DCUN1D1: variants seen among roughly 807,000 people sequenced by gnomAD.
DCUN1D1 encodes defective in cullin neddylation 1 domain containing 1, also known as DCN1-like protein 1.
DCUN1D1 carries 3 observed loss-of-function variants against 39.0 expected under a neutral mutation model. The ratio of observed to expected loss-of-function variants is 0.08; its 90% CI spans 0.04 to 0.20. The LOEUF (loss-of-function observed/expected upper bound fraction) is 0.20. Among genes scored for constraint, DCUN1D1 ranks in the 10% least tolerant of loss-of-function variants. The probability of loss-of-function intolerance (pLI) is 1.00; values close to 1 mark genes in which losing one functional copy is unlikely to be tolerated. For synonymous variants in DCUN1D1, 82 were observed against 96.3 expected (o/e 0.85, Z 0.87); for missense variants, 158 against 302.4 (o/e 0.52, Z 3.54).
rs145983622 is a variant in DCUN1D1, at chr3:182,965,277, C to A, written c.220+260G>T. 3.1e-3 allele frequency among the ~76,000 whole-genome samples: 469 copies of A among 152,216 alleles called. 3 individuals carry two copies. The highest frequency in any genetic ancestry group is 0.01 in the African/African-American group (418 of 41,516). On this transcript the variant is annotated intron_variant, in intron 2 of 6. Transcript: ENST00000292782. ...TAGACTGGTTCAGCTGAGTTTTATA[C>A]ATATGAGGGCAGAAAAAACAGTTCC...
intron 1 of DCUN1D1, among the ~76,000 whole-genome samples, chr3:182,972,967 G>A (rs938708387): frequency 7.9e-5 from 12 of 152,030 alleles, no homozygotes; most frequent in African/African-American, 2.4e-5. Context: ...GCTTGAACCC[G>A]GGAGGCGGAG....
intron 4 of DCUN1D1, 61 bp downstream of exon 4, chr3:182,961,165 G>T: frequency 8.7e-7 from 1 of 1,150,486 alleles, no homozygotes; most frequent in South Asian, 1.5e-5. Flanking sequence ...TTACAAAAAC[G>T]ACACTGTCAA....
At chr3:182,949,398 T>G (rs1241821028) in intron 4 of DCUN1D1, among the ~76,000 whole-genome samples, 1 of 151,542 alleles carries the variant, frequency 6.6e-6, no homozygotes, top group African/African-American at 2.4e-5. Flanking sequence ...TGATGCTAAT[T>G]CACTGTCAAA....
chr3:182,975,851 T>TTAA (rs1553845581), intron 1 of DCUN1D1, among the ~76,000 whole-genome samples: 2 of 66,818 alleles, frequency 3.0e-5, no homozygotes, highest in Non-Finnish European at 2.8e-5. Flanking sequence ...CCAGATATGC[T>TTAA]AAAAAAAAAA....
At chr3:182,973,291 T>A (rs1728042700) in intron 1 of DCUN1D1, among the ~76,000 whole-genome samples, 1 of 152,208 alleles carries the variant, frequency 6.6e-6, no homozygotes, top group African/African-American at 2.4e-5. Flanking sequence ...TGAGATTTCA[T>A]CATGCTAACT....
At position 182,938,999 on chromosome 3, in the gene DCUN1D1, C is replaced by G. The variant is rs1010972467; in HGVS notation, c.*6095G>C. ...GATCACTGAGGGACTGGAACCCCCA[C>G]TGGAAGTATTATTATTACCCTCACT... is the stretch of plus-strand genomic sequence containing the variant. On this transcript the variant is annotated 3_prime_UTR_variant, in exon 7 of 7. Coordinates refer to ENST00000292782, the MANE Select transcript of DCUN1D1 (RefSeq NM_020640.4). 6.6e-6 allele frequency: 1 copy of G among 152,364 alleles called. No homozygotes were observed. The highest frequency in any genetic ancestry group is 1.9e-4 in the East Asian group (1 of 5,200). The allele number at this position is 152,364 out of a possible 1,614,324, so 9.4% of individuals were successfully genotyped here.
chr3:182,977,353 A>G (rs1728286609), intron 1 of DCUN1D1, among the ~76,000 whole-genome samples: 1 of 152,254 alleles, frequency 6.6e-6, no homozygotes, highest in South Asian at 2.1e-4. Context: ...AATCATTAGA[A>G]TCATAAAATG....
chr3:182,980,496 G>C lies in DCUN1D1; in HGVS notation c.-7C>G. The stretch of plus-strand genomic sequence containing the variant: ...GGCCGCAGTGCCTCACCATGTTGGT[G>C]TCCTCCAGGCCTCTCCCCTCCTCCT... On this transcript the variant is annotated 5_prime_UTR_variant, in exon 1 of 7. Transcript: ENST00000292782. 1 of 1,241,292 alleles carries C rather than the reference G, an allele frequency of 8.1e-7. No homozygotes were observed. The highest frequency in any genetic ancestry group is 1.6e-5 in the African/African-American group (1 of 62,646). 76.9% of individuals were successfully genotyped at this position (1,241,292 alleles called of 1,614,324 possible). A position where few individuals can be genotyped will look rare whatever the true frequency, so the allele number is the denominator to read the frequency against.
chr3:182,973,054 G>T (rs1277158526), intron 1 of DCUN1D1, among the ~76,000 whole-genome samples: 10 of 152,058 alleles, frequency 6.6e-5, no homozygotes, highest in Admixed American at 5.9e-4. Flanking sequence ...AAAAAAAAGG[G>T]GGGGGCTCTG....
At chr3:182,967,830 A>G (rs1727747547) in intron 1 of DCUN1D1, among the ~76,000 whole-genome samples, 1 of 152,248 alleles carries the variant, frequency 6.6e-6, no homozygotes, top group Non-Finnish European at 1.5e-5. Context: ...TTTTGCTTAA[A>G]TGAAAGTTAA....
In DCUN1D1 at chr3:182,943,244, T is replaced by G. The variant is rs552761052; in HGVS notation, c.*1850A>C. 2 of 147,764 alleles carry G rather than the reference T, an allele frequency of 1.4e-5. No homozygotes were observed. Among genetic ancestry groups the G allele is most frequent in the Non-Finnish European group, 3.0e-5 (2 of 66,776 alleles). The allele number at this position is 147,764 out of a possible 1,614,324, so 9.2% of individuals were successfully genotyped here. A position where few individuals can be genotyped will look rare whatever the true frequency, so the allele number is the denominator to read the frequency against. ...CAGGAAACAAAACAGTACATATATA[T>G]AGATATATAGATATATATATCTTTT... On this transcript the variant is annotated 3_prime_UTR_variant, in exon 7 of 7. Coordinates refer to ENST00000292782, the MANE Select transcript of DCUN1D1 (RefSeq NM_020640.4).
At chr3:182,972,979 T>C (rs1013052611) in intron 1 of DCUN1D1, among the ~76,000 whole-genome samples, 13 of 151,570 alleles carry the variant, frequency 8.6e-5, no homozygotes, top group Admixed American at 7.2e-4. Context: ...GAGGCGGAGG[T>C]TGTGGTGAGC....
intron 4 of DCUN1D1, 51 bp from the exon 5 acceptor site, chr3:182,947,683 C>T: frequency 3.6e-6 from 4 of 1,097,716 alleles, no homozygotes; most frequent in Non-Finnish European, 5.3e-6. Flanking sequence ...ATATTTGTCC[C>T]TGCAAAAATA....
chr3:182,977,444 C>CT (rs1206988964), intron 1 of DCUN1D1, among the ~76,000 whole-genome samples: 111 of 147,118 alleles, frequency 7.5e-4, no homozygotes, highest in Middle Eastern at 3.5e-3. Flanking sequence ...GTTTTGAACA[C>CT]TTTTTTTTTT....
rs1356352205 is a variant in DCUN1D1 at position 182,941,279 on chromosome 3, T to G, written c.*3815A>C. The G allele has an allele frequency of 1.3e-5, 2 of 152,116 alleles. No homozygotes were observed. The highest frequency in any genetic ancestry group is 2.9e-5 in the Non-Finnish European group (2 of 67,976). The allele number at this position is 152,116 out of a possible 1,614,324, so 9.4% of individuals were successfully genotyped here. On this transcript the variant is annotated 3_prime_UTR_variant, in exon 7 of 7. Transcript: ENST00000292782. Reference sequence around the variant, plus strand: ...ACCTGGAAAAGGGCATTTGTACTATTAGGAACTTTCTCATTTATCTTAACT... The same window carrying G: ...ACCTGGAAAAGGGCATTTGTACTATGAGGAACTTTCTCATTTATCTTAACT...
Position 182,938,456 on chromosome 3 carries a change from AT to A in DCUN1D1, c.*6637del, listed in dbSNP as rs1725989869. ...AGTCTAACAACAGAATTGTGGTTTTATTTAACAGTCCTTATCTTTTAGACAT... is the reference window on the plus strand; with the variant it reads ...AGTCTAACAACAGAATTGTGGTTTTATTAACAGTCCTTATCTTTTAGACAT... On this transcript the variant is annotated 3_prime_UTR_variant, in exon 7 of 7. Transcript: ENST00000292782. 6.6e-6 allele frequency: 1 copy of A among 152,068 alleles called. No homozygotes were observed. The highest frequency in any genetic ancestry group is 2.4e-5 in the African/African-American group (1 of 41,422). 9.4% of individuals were successfully genotyped at this position (152,068 alleles called of 1,614,324 possible).
chr3:182,951,006 C>CCAA (rs369471790), intron 4 of DCUN1D1: 1 of 46,756 alleles, frequency 2.1e-5, no homozygotes, highest in Non-Finnish European at 3.6e-5. Context: ...AACTCTGTCT[C>CCAA]AAAAAAAAAA....
intron 1 of DCUN1D1, among the ~76,000 whole-genome samples, chr3:182,968,747 G>A (rs538613327): frequency 1.3e-5 from 2 of 152,116 alleles, no homozygotes; most frequent in Admixed American, 6.6e-5. Context: ...TTACAGGCAC[G>A]CACTGCTGCG....
intron 1 of DCUN1D1, among the ~76,000 whole-genome samples, chr3:182,968,082 T>C (rs560935367): frequency 6.6e-6 from 1 of 152,146 alleles, no homozygotes; most frequent in African/African-American, 2.4e-5. Context: ...GTAGGTTTTT[T>C]TGTTTTTTTA....
Sources: allele counts gnomAD v4.1 joint callset (sites outside exome capture counted in the v4.1 genomes callset), GRCh38; gene constraint gnomAD v4.1.1; transcripts MANE v1.5; gene names NCBI Gene and HGNC (gene_info 2026-07-23, HGNC 2026-07-21).